The following LSAMP variants were observed in gnomAD, a reference collection of about 807,000 sequenced individuals.
The protein encoded by LSAMP is limbic system associated membrane protein, also known as limbic system-associated membrane protein.
In LSAMP, 7 loss-of-function variants were observed where a neutral mutation model predicts 38.6. The observed-to-expected ratio is 0.18, with a 90% confidence interval of 0.10 to 0.34. LSAMP has a LOEUF of 0.34. Ranked by LOEUF, LSAMP falls within the 10% of genes least tolerant of loss-of-function variation. The probability of loss-of-function intolerance (pLI) is 1.00; values close to 1 mark genes in which losing one functional copy is unlikely to be tolerated. For missense variants in LSAMP, 313 were observed against 420.0 expected (o/e 0.75, Z 2.23); for synonymous variants, 154 against 166.8 (o/e 0.92, Z 0.59).
intron 2 of LSAMP, among the ~76,000 whole-genome samples, chr3:116,082,031 A>C (rs1335793303): frequency 6.6e-6 from 1 of 152,216 alleles, no homozygotes; most frequent in Non-Finnish European, 1.5e-5. Context: ...GCGTTGTAAA[A>C]TATGGTGAAT....
At chr3:115,929,101 A>T (rs1332487637) in intron 3 of LSAMP, among the ~76,000 whole-genome samples, 1 of 151,536 alleles carries the variant, frequency 6.6e-6, no homozygotes, top group African/African-American at 2.4e-5. Flanking sequence ...GTGTCCCTAG[A>T]GCCTACCAGG....
chr3:115,933,793 C>T (rs892218527), intron 3 of LSAMP, among the ~76,000 whole-genome samples: 3 of 152,172 alleles, frequency 2.0e-5, no homozygotes, highest in Non-Finnish European at 4.4e-5. Flanking sequence ...AGAGGAGAGT[C>T]AGCAGAGTCA....
chr3:116,055,243 T>A (rs555098595), intron 2 of LSAMP, among the ~76,000 whole-genome samples: 2 of 152,308 alleles, frequency 1.3e-5, no homozygotes, highest in East Asian at 3.9e-4. Flanking sequence ...TGGTGGTTAC[T>A]GCATGGTTAC....
intron 1 of LSAMP, among the ~76,000 whole-genome samples, chr3:116,374,445 A>G (rs954378858): frequency 6.6e-6 from 1 of 151,884 alleles, no homozygotes; most frequent in African/African-American, 2.4e-5. Flanking sequence ...AATAAGCTTA[A>G]TAAGTATTAT....
chr3:116,197,163 A>ACACACACACACACACACACACACT, intron 1 of LSAMP, among the ~76,000 whole-genome samples: 1 of 139,088 alleles, frequency 7.2e-6, no homozygotes, highest in African/African-American at 2.6e-5. Context: ...ACACACACAC[A>ACACACACACACACACACACACACT]CTCTCTCTCT....
intron 1 of LSAMP, among the ~76,000 whole-genome samples, chr3:116,090,546 A>C (rs1302685838): frequency 6.6e-6 from 1 of 152,184 alleles, no homozygotes; most frequent in African/African-American, 2.4e-5. Flanking sequence ...ATGTTGCTGC[A>C]ATTTAGTTCT....
intron 1 of LSAMP, among the ~76,000 whole-genome samples, chr3:116,292,647 A>T (rs2047283174): frequency 6.6e-6 from 1 of 152,140 alleles, no homozygotes; most frequent in South Asian, 2.1e-4. Context: ...CTTTTGTTCA[A>T]CTCAGTGTAC....
At chr3:116,321,303 G>T (rs2047702423) in intron 1 of LSAMP, among the ~76,000 whole-genome samples, 1 of 152,132 alleles carries the variant, frequency 6.6e-6, no homozygotes, top group Admixed American at 6.5e-5. Flanking sequence ...AGCCCAGGAA[G>T]TTGAGGCTTC....
chr3:115,892,560 T>C (rs1936626987), intron 3 of LSAMP, among the ~76,000 whole-genome samples: 1 of 151,860 alleles, frequency 6.6e-6, no homozygotes, highest in South Asian at 2.1e-4. Flanking sequence ...TTCTAGCAGG[T>C]AGGGACTGGA....
intron 6 of LSAMP, among the ~76,000 whole-genome samples, chr3:115,810,682 C>T (rs543589212): frequency 6.6e-6 from 1 of 152,354 alleles, no homozygotes; most frequent in South Asian, 2.1e-4. Context: ...CTGGCTATCA[C>T]TAATGTGTCT....
chr3:115,907,568 A>G (rs1216821869), intron 3 of LSAMP, among the ~76,000 whole-genome samples: 1 of 152,114 alleles, frequency 6.6e-6, no homozygotes, highest in Non-Finnish European at 1.5e-5. Context: ...AGTACCCTAC[A>G]CAGACTAAGA....
chr3:115,947,648 T>C (rs936345623), intron 3 of LSAMP, among the ~76,000 whole-genome samples: 1 of 152,186 alleles, frequency 6.6e-6, no homozygotes, highest in African/African-American at 2.4e-5. Flanking sequence ...TTTTTATTTT[T>C]ATTGTATGCA....
At chr3:116,069,672 A>G (rs1055801977) in intron 2 of LSAMP, among the ~76,000 whole-genome samples, 2 of 152,196 alleles carry the variant, frequency 1.3e-5, no homozygotes, top group African/African-American at 4.8e-5. Flanking sequence ...TGGAATGGAG[A>G]TGTTAGAAAT....
chr3:116,036,093 C>T (rs867303257), intron 2 of LSAMP, among the ~76,000 whole-genome samples: 3 of 152,308 alleles, frequency 2.0e-5, no homozygotes, highest in Middle Eastern at 3.4e-3. Context: ...GTCATGAGAA[C>T]TCAGTAGTAT....
intron 1 of LSAMP, among the ~76,000 whole-genome samples, chr3:116,438,838 C>T (rs906690717): frequency 3.3e-5 from 5 of 152,206 alleles, no homozygotes; most frequent in African/African-American, 9.6e-5. Context: ...TTTTCCATGG[C>T]TCATAAGGAT....
At chr3:116,081,037 A>G (rs1208696047) in intron 2 of LSAMP, among the ~76,000 whole-genome samples, 3 of 152,240 alleles carry the variant, frequency 2.0e-5, no homozygotes, top group Non-Finnish European at 2.9e-5. Context: ...CGATTCTGAG[A>G]GAAAAATGAG....
At chr3:115,923,472 T>A (rs1192071616) in intron 3 of LSAMP, among the ~76,000 whole-genome samples, 1 of 152,218 alleles carries the variant, frequency 6.6e-6, no homozygotes, top group Non-Finnish European at 1.5e-5. Flanking sequence ...GGTGCATATA[T>A]TGTTAAATCA....
intron 1 of LSAMP, among the ~76,000 whole-genome samples, chr3:116,188,493 G>T (rs1710676885): frequency 6.6e-6 from 1 of 151,972 alleles, no homozygotes; most frequent in Non-Finnish European, 1.5e-5. Context: ...GCTTTTCATT[G>T]GCAGCTGCCA....
chr3:116,346,391 C>G (rs1476901309), intron 1 of LSAMP, among the ~76,000 whole-genome samples: 1 of 150,238 alleles, frequency 6.7e-6, no homozygotes, highest in East Asian at 2.0e-4. Context: ...TGCAGTGGTA[C>G]CATCTCAGTT....
Sources: gnomAD v4.1 joint callset for allele counts (sites outside exome capture counted in the v4.1 genomes callset) on GRCh38, gnomAD v4.1.1 for gene constraint, MANE v1.5 for transcripts, NCBI Gene and HGNC (gene_info 2026-07-23, HGNC 2026-07-21) for gene names.